NIPSNAP2: variants seen among roughly 807,000 people sequenced by gnomAD.
The protein encoded by NIPSNAP2 is nipsnap homolog 2.
In NIPSNAP2, 42 loss-of-function variants were observed where a neutral mutation model predicts 48.4. The observed-to-expected ratio is 0.87, with a 90% CI of 0.68 to 1.12. The LOEUF (loss-of-function observed/expected upper bound fraction) is 1.12, where lower values mean the gene tolerates loss of function less well. NIPSNAP2 is among the 50% of genes most tolerant of loss of function. NIPSNAP2 has a pLI of 0.00. For synonymous variants in NIPSNAP2, 158 were observed against 126.6 expected (o/e 1.25, Z -1.67); for missense variants, 314 against 347.3 (o/e 0.90, Z 0.76).
rs1158886939 is a variant in NIPSNAP2, at chr7:55,997,247, C to T, written c.713-119C>T. 5 of 705,174 alleles carry T rather than the reference C, an allele frequency of 7.1e-6. No homozygotes were observed. The Admixed American group carries it at 1.0e-4, about 15-fold the overall frequency. 43.7% of individuals were successfully genotyped at this position (705,174 alleles called of 1,614,324 possible). A position where few individuals can be genotyped will look rare whatever the true frequency, so the allele number is the denominator to read the frequency against. On this transcript the variant is annotated intron_variant, in intron 8 of 9. Coordinates refer to ENST00000322090, the MANE Select transcript of NIPSNAP2 (RefSeq NM_001483.3). ...AATTTCCCCAGCCCAGTATATTACA[C>T]ACCTGAAGTAGTCCCTGAGAAAACT...
At position 55,981,563 on chromosome 7, in the gene NIPSNAP2, A is replaced by T; in HGVS notation, c.369A>T (p.Gln123His). The change falls in exon 4 of 10, where the codon CAA becomes CAT. Residue 123 changes from glutamine to histidine, a missense_variant. Gln to His is a conservative substitution (Grantham distance 24). This residue lies in a region of NIPSNAP2 where 198 missense variants were observed against 185.5 expected (regional missense o/e 1.07). Transcript: ENST00000322090. ...TWNTWYGEQD[Q>H]AVHLWRYEGG... The stretch of plus-strand genomic sequence containing the variant: ...ACACGTGGTATGGCGAGCAGGACCA[A>T]GCTGGTAGGAAGCGAAGTCTTTGGA... The T allele has an allele frequency of 3.1e-6, 5 of 1,611,672 alleles. No homozygotes were observed. The highest frequency in any genetic ancestry group is 4.2e-6 in the Non-Finnish European group (5 of 1,178,008).
chr7:55,993,025 G>A (rs558647544), intron 7 of NIPSNAP2, among the ~76,000 whole-genome samples: 6 of 152,002 alleles, frequency 3.9e-5, no homozygotes, highest in Non-Finnish European at 7.4e-5. Context: ...TGAGCCAGGC[G>A]CAGTGGCTCA....
intron 7 of NIPSNAP2, among the ~76,000 whole-genome samples, chr7:55,987,718 A>G (rs963435845): frequency 6.6e-6 from 1 of 152,194 alleles, no homozygotes; most frequent in African/African-American, 2.4e-5. Flanking sequence ...GAGGACAAAT[A>G]GTGTATCATT....
chr7:55,976,481 T>G (rs529049755), intron 1 of NIPSNAP2, among the ~76,000 whole-genome samples: 2 of 152,332 alleles, frequency 1.3e-5, no homozygotes, highest in South Asian at 4.1e-4. Flanking sequence ...TGGGCTGAAG[T>G]CATACACAGT....
chr7:55,998,861 G>A, intron 9 of NIPSNAP2, 147 bp from the exon 10 acceptor site: 1 of 701,254 alleles, frequency 1.4e-6, no homozygotes, highest in South Asian at 1.6e-5. Flanking sequence ...GTATATTTCT[G>A]CCCTTGAGGT....
At position 55,994,869 on chromosome 7, in the gene NIPSNAP2, A is replaced by C. The variant is rs10266905; in HGVS notation, c.618-25A>C. On this transcript the variant is annotated intron_variant, in intron 7 of 9. Coordinates refer to ENST00000322090, the MANE Select transcript of NIPSNAP2 (RefSeq NM_001483.3). ...TTAGCGTATCTAATTCAGTGTCTTAAACAAACATCATCTCATTCTTACAGG... is the reference window on the plus strand; with the variant it reads ...TTAGCGTATCTAATTCAGTGTCTTACACAAACATCATCTCATTCTTACAGG... 1.6e-3 allele frequency: 2,626 copies of C among 1,602,914 alleles called. 40 individuals are homozygous for C. In the African/African-American group the frequency reaches 0.031, roughly 19 times the overall value.
At chr7:55,998,977 A>G (rs1464403097) in intron 9 of NIPSNAP2, 31 bp from the exon 10 acceptor site, 3 of 1,581,284 alleles carry the variant, frequency 1.9e-6, no homozygotes, top group Admixed American at 3.3e-5. Context: ...TTAGAAAGTA[A>G]CAAGTGCAGT....
At chr7:55,985,346 T>C (rs1584346789) in intron 7 of NIPSNAP2, among the ~76,000 whole-genome samples, 1 of 152,212 alleles carries the variant, frequency 6.6e-6, no homozygotes, top group East Asian at 1.9e-4. Context: ...TCTTCTTTTT[T>C]TCCTTGCTAG....
intron 1 of NIPSNAP2, among the ~76,000 whole-genome samples, chr7:55,975,014 A>G (rs1787081254): frequency 6.6e-6 from 1 of 152,010 alleles, no homozygotes; most frequent in South Asian, 2.1e-4. Flanking sequence ...CCAGTACATT[A>G]CTGATCTAGG....
At chr7:55,968,862 C>T (rs541460825) in intron 1 of NIPSNAP2, among the ~76,000 whole-genome samples, 1 of 152,152 alleles carries the variant, frequency 6.6e-6, no homozygotes, top group African/African-American at 2.4e-5. Flanking sequence ...CCTGTCTCTA[C>T]TAAAACTACA....
At chr7:55,966,066 G>C (rs540644274) in intron 1 of NIPSNAP2, among the ~76,000 whole-genome samples, 1 of 152,140 alleles carries the variant, frequency 6.6e-6, no homozygotes, top group Admixed American at 6.6e-5. Flanking sequence ...GGCGTCCAAG[G>C]CCATCCGGAG....
intron 7 of NIPSNAP2, among the ~76,000 whole-genome samples, chr7:55,994,041 T>C (rs1787505588): frequency 6.6e-6 from 1 of 152,150 alleles, no homozygotes; most frequent in South Asian, 2.1e-4. Context: ...GAGTCCCTTG[T>C]GTAGTTCAGA....
chr7:55,998,522 G>A (rs1363423223), intron 9 of NIPSNAP2, among the ~76,000 whole-genome samples: 2 of 32,542 alleles, frequency 6.1e-5, no homozygotes, highest in African/African-American at 1.6e-4. Context: ...TTTTTTTTGA[G>A]ACGGAGTCTT....
At position 55,999,060 on chromosome 7, in the gene NIPSNAP2, GC is replaced by G; in HGVS notation, c.853del (p.Leu285SerfsTer21). On this transcript the variant is annotated frameshift_variant, in exon 10 of 10. Coordinates refer to ENST00000322090, the MANE Select transcript of NIPSNAP2 (RefSeq NM_001483.3). LOFTEE classifies it high-confidence loss of function. ...SRIMIPLKTS[P>X]LQ is the part of the protein sequence containing the mutation. ...GAATCATGATCCCACTGAAGACCTCGCCCCTCCAGTAAAGCTGTAGAGTTTC... is the reference window on the plus strand; with the variant it reads ...GAATCATGATCCCACTGAAGACCTCGCCCTCCAGTAAAGCTGTAGAGTTTC... 1.2e-6 allele frequency: 2 copies of G among 1,613,220 alleles called. No homozygotes were observed. Among genetic ancestry groups the G allele is most frequent in the Non-Finnish European group, 1.7e-6 (2 of 1,179,342 alleles).
intron 7 of NIPSNAP2, among the ~76,000 whole-genome samples, chr7:55,992,183 G>T (rs1179806165): frequency 6.6e-6 from 1 of 152,026 alleles, no homozygotes; most frequent in Non-Finnish European, 1.5e-5. Context: ...CTTGGGTAAG[G>T]TTCCCATCAT....
At position 55,964,787 on chromosome 7, in the gene NIPSNAP2, C is replaced by T. The variant is rs1026944427; in HGVS notation, c.92+86C>T. On this transcript the variant is annotated intron_variant, in intron 1 of 9. Coordinates refer to ENST00000322090, the MANE Select transcript of NIPSNAP2 (RefSeq NM_001483.3). Reference sequence around the variant, plus strand: ...CGGGTTTCCCGGCGCCGGTCTCCGCCCCGGCCCTGTCCCCAGCGCGGGTGG... The same window carrying T: ...CGGGTTTCCCGGCGCCGGTCTCCGCTCCGGCCCTGTCCCCAGCGCGGGTGG... 6.2e-6 allele frequency: 4 copies of T among 642,000 alleles called. No homozygotes were observed. The South Asian group carries it at 2.2e-4, about 35-fold the overall frequency. The allele number at this position is 642,000 out of a possible 1,614,324, so 39.8% of individuals were successfully genotyped here. A position where few individuals can be genotyped will look rare whatever the true frequency, so the allele number is the denominator to read the frequency against.
rs528289417 is a variant in NIPSNAP2 at position 55,998,409 on chromosome 7, G to A, written c.797-599G>A. ...TTGTATTTGATTTTGCTGCTTACGC[G>A]AACGTTTGAGAAATCACCATTTCTC... On this transcript the variant is annotated intron_variant, in intron 9 of 9. Transcript: ENST00000322090. 6.0e-5 allele frequency among the ~76,000 whole-genome samples: 9 copies of A among 149,554 alleles called. No homozygotes were observed. In the East Asian group the frequency reaches 1.6e-3, roughly 26 times the overall value.
intron 8 of NIPSNAP2, 24 bp from the exon 9 acceptor site, chr7:55,997,342 C>T (rs766919038): frequency 4.5e-6 from 7 of 1,572,468 alleles, no homozygotes; most frequent in South Asian, 2.2e-5. Flanking sequence ...TTAAGTCTTA[C>T]TTCTCTGTGT....
intron 7 of NIPSNAP2, among the ~76,000 whole-genome samples, chr7:55,991,658 G>A (rs1787445226): frequency 6.7e-6 from 1 of 150,116 alleles, no homozygotes; most frequent in African/African-American, 2.5e-5. Context: ...TGAGGCAAGA[G>A]AATTACTTGA....
Sources: gnomAD v4.1 joint callset for allele counts (sites outside exome capture counted in the v4.1 genomes callset) on GRCh38, gnomAD v4.1.1 for gene constraint, gnomAD v4.1.1 regional missense constraint, MANE v1.5 for transcripts, NCBI Gene and HGNC (gene_info 2026-07-23, HGNC 2026-07-21) for gene names.